The following SPOCK1 variants were observed in gnomAD, a reference collection of about 807,000 sequenced individuals.
SPOCK1 encodes SPARC (osteonectin), cwcv and kazal like domains proteoglycan 1.
A neutral mutation model predicts 55.3 loss-of-function variants in SPOCK1; 23 were observed. The observed-to-expected ratio is 0.42, with a 90% confidence interval of 0.30 to 0.59. The LOEUF is 0.59. Among genes scored for constraint, SPOCK1 ranks in the 20% least tolerant of loss-of-function variants. The pLI, the probability that SPOCK1 is intolerant of heterozygous loss-of-function variation, is 0.22. For synonymous variants in SPOCK1, 226 were observed against 221.0 expected, an observed-to-expected ratio of 1.02 and a Z score of -0.20; for missense variants, 499 against 552.5, an observed-to-expected ratio of 0.90 and a Z score of 0.97.
intron 6 of SPOCK1, among the ~76,000 whole-genome samples, chr5:137,037,718 A>G (rs530541392): frequency 1.3e-5 from 2 of 152,172 alleles, no homozygotes; most frequent in Non-Finnish European, 2.9e-5. Flanking sequence ...CCTAAAAAAA[A>G]GTTTCCTGAT....
intron 6 of SPOCK1, among the ~76,000 whole-genome samples, chr5:137,066,973 CACACACACACACACAGAG>C (rs1011231751): frequency 1.1e-4 from 15 of 139,710 alleles, no homozygotes; most frequent in Admixed American, 3.7e-4. Flanking sequence ...TACACACACA[CACACACACACACACAGAG>C]AGAGAGAGAG....
At chr5:137,378,908 G>C (rs1056498998) in intron 2 of SPOCK1, among the ~76,000 whole-genome samples, 11 of 152,168 alleles carry the variant, frequency 7.2e-5, no homozygotes, top group Admixed American at 5.2e-4. Context: ...TGCTAGGCTT[G>C]GAGATAGCCA....
chr5:137,133,772 A>G (rs1463400420), intron 4 of SPOCK1, among the ~76,000 whole-genome samples: 1 of 152,172 alleles, frequency 6.6e-6, no homozygotes, highest in East Asian at 1.9e-4. Context: ...GGTTTGAATG[A>G]TTACTTTCAG....
chr5:137,030,715 T>C (rs1364654192), intron 6 of SPOCK1, among the ~76,000 whole-genome samples: 1 of 152,192 alleles, frequency 6.6e-6, no homozygotes, highest in Non-Finnish European at 1.5e-5. Context: ...CCTAAAGTTA[T>C]CTATACTTTT....
chr5:137,371,639 C>A (rs542730659), intron 2 of SPOCK1, among the ~76,000 whole-genome samples: 6 of 152,296 alleles, frequency 3.9e-5, no homozygotes, highest in African/African-American at 1.2e-4. Flanking sequence ...AAATCATAAA[C>A]AACCTCCTAA....
rs147281401 is a variant in SPOCK1 at position 137,413,746 on chromosome 5, T to C, written c.186+84627A>G. 1.8e-4 allele frequency among the ~76,000 whole-genome samples: 27 copies of C among 152,326 alleles called. No homozygotes were observed. In the East Asian group the frequency reaches 5.0e-3, roughly 28 times the overall value. On this transcript the variant is annotated intron_variant, in intron 2 of 10. Coordinates refer to ENST00000394945, the MANE Select transcript of SPOCK1 (RefSeq NM_004598.4). The stretch of plus-strand genomic sequence containing the variant: ...TCTATTTGGAAGGCTTCTGCCTCTA[T>C]ACAAACTTCAGTCCCAAATACCTGA...
At chr5:137,342,145 G>C (rs1561509752) in intron 2 of SPOCK1, among the ~76,000 whole-genome samples, 1 of 152,196 alleles carries the variant, frequency 6.6e-6, no homozygotes, top group Non-Finnish European at 1.5e-5. Context: ...AAGCACTTCA[G>C]AAAGACACCT....
intron 2 of SPOCK1, chr5:137,365,610 T>C (rs1270734754): frequency 6.6e-6 from 1 of 152,170 alleles, no homozygotes; most frequent in Non-Finnish European, 1.5e-5. Context: ...TGCCTCCTAA[T>C]CCATTCATAA....
chr5:137,341,541 G>A (rs578164082), intron 2 of SPOCK1, among the ~76,000 whole-genome samples: 3 of 152,358 alleles, frequency 2.0e-5, no homozygotes, highest in South Asian at 2.1e-4. Flanking sequence ...TACTAGCACA[G>A]AAGGACGTGT....
Position 136,989,101 on chromosome 5 carries a change from C to T in SPOCK1, c.707-458G>A, listed in dbSNP as rs189342886. 7.4e-4 allele frequency among the ~76,000 whole-genome samples: 112 copies of T among 152,230 alleles called. No homozygotes were observed. The East Asian group carries it at 9.1e-3, about 12-fold the overall frequency. On this transcript the variant is annotated intron_variant, in intron 7 of 10. Transcript: ENST00000394945. Reference sequence around the variant, plus strand: ...ACAACATAGCATAATCCAGAAGCACCGCTTGCATCCCAGAGGACCTTTAAA... The same window carrying T: ...ACAACATAGCATAATCCAGAAGCACTGCTTGCATCCCAGAGGACCTTTAAA...
intron 6 of SPOCK1, among the ~76,000 whole-genome samples, chr5:137,000,606 C>T (rs1398995107): frequency 6.6e-6 from 1 of 152,190 alleles, no homozygotes; most frequent in Non-Finnish European, 1.5e-5. Flanking sequence ...ATGCTACATG[C>T]CATGGGAGCA....
chr5:137,156,405 A>G (rs1163191299), intron 3 of SPOCK1, among the ~76,000 whole-genome samples: 1 of 152,174 alleles, frequency 6.6e-6, no homozygotes, highest in Non-Finnish European at 1.5e-5. Flanking sequence ...AAAATTCCTC[A>G]TGAGAACACA....
chr5:137,192,235 A>AC lies in SPOCK1; in HGVS notation c.233-51542_233-51541insG, dbSNP rs1405497976. Among the ~76,000 whole-genome samples the AC allele has an allele frequency of 3.8e-5, 5 of 132,762 alleles. No homozygotes were observed. In the East Asian group the frequency reaches 7.8e-4, roughly 21 times the overall value. 87.1% of individuals were successfully genotyped at this position (132,762 alleles called of 152,430 possible). Reference sequence around the variant, plus strand: ...GTGACAGAGCAAGACTCTGTCTCAAAAAAAAAAAAAAAAAAAAAAAGAAAA... The same window carrying AC: ...GTGACAGAGCAAGACTCTGTCTCAAACAAAAAAAAAAAAAAAAAAAAGAAAA... On this transcript the variant is annotated intron_variant, in intron 3 of 10. Coordinates refer to ENST00000394945, the MANE Select transcript of SPOCK1 (RefSeq NM_004598.4).
At chr5:137,280,960 A>C (rs71589352) in intron 2 of SPOCK1, among the ~76,000 whole-genome samples, 3 of 152,174 alleles carry the variant, frequency 2.0e-5, no homozygotes, top group African/African-American at 7.2e-5. Context: ...CCCATGACCC[A>C]CTGTAAGAAG....
chr5:137,252,879 C>G (rs563435130), intron 3 of SPOCK1, among the ~76,000 whole-genome samples: 1 of 152,164 alleles, frequency 6.6e-6, no homozygotes, highest in Non-Finnish European at 1.5e-5. Flanking sequence ...CTCCACACTT[C>G]GAAGCTGGAC....
intron 2 of SPOCK1, among the ~76,000 whole-genome samples, chr5:137,391,629 C>T (rs1389122448): frequency 6.6e-6 from 1 of 152,124 alleles, no homozygotes; most frequent in Non-Finnish European, 1.5e-5. Flanking sequence ...ACCCCCGATT[C>T]ACTCGGTGCC....
At chr5:137,243,628 T>C (rs1447928895) in intron 3 of SPOCK1, among the ~76,000 whole-genome samples, 1 of 152,192 alleles carries the variant, frequency 6.6e-6, no homozygotes, top group Non-Finnish European at 1.5e-5. Flanking sequence ...TCTGTCCAAA[T>C]CTACTATTAC....
chr5:137,053,727 A>C (rs902322771), intron 6 of SPOCK1, among the ~76,000 whole-genome samples: 9 of 151,910 alleles, frequency 5.9e-5, no homozygotes, highest in Non-Finnish European at 1.0e-4. Context: ...AGCTCCACTC[A>C]CACCTCTGCA....
chr5:137,242,260 C>T (rs1001337551), intron 3 of SPOCK1, among the ~76,000 whole-genome samples: 14 of 152,154 alleles, frequency 9.2e-5, no homozygotes, highest in Non-Finnish European at 5.9e-5. Flanking sequence ...CCATAATCCC[C>T]AGGTCATGGG....
Sources: gnomAD v4.1 joint callset for allele counts (sites outside exome capture counted in the v4.1 genomes callset) on GRCh38, gnomAD v4.1.1 for gene constraint, MANE v1.5 for transcripts, NCBI Gene and HGNC (gene_info 2026-07-23, HGNC 2026-07-21) for gene names.